Variants in MEGF10 observed in about 807,000 individuals in gnomAD.
The protein encoded by MEGF10 is multiple epidermal growth factor-like domains protein 10.
MEGF10 carries 86 observed loss-of-function variants against 147.5 expected under a neutral mutation model. That is an observed-to-expected ratio of 0.58 (90% CI 0.49 to 0.70). The LOEUF (loss-of-function observed/expected upper bound fraction) is 0.70. MEGF10 is among the 30% of genes least tolerant of loss of function. The pLI, the probability that MEGF10 is intolerant of heterozygous loss-of-function variation, is 0.00. For missense variants in MEGF10, 1,329 were observed against 1,487.3 expected (o/e 0.89, Z 1.75); for synonymous variants, 478 against 525.5 (o/e 0.91, Z 1.24).
intron 8 of MEGF10, among the ~76,000 whole-genome samples, chr5:127,403,544 TA>T (rs993889720): frequency 6.6e-6 from 1 of 152,176 alleles, no homozygotes. Flanking sequence ...TCATTCTTTC[TA>T]ATTTTTTTTG....
chr5:127,311,531 T>TGA (rs913571170), intron 1 of MEGF10, among the ~76,000 whole-genome samples: 1 of 152,200 alleles, frequency 6.6e-6, no homozygotes, highest in African/African-American at 2.4e-5. Context: ...TGTTCAGATG[T>TGA]GAGGTGTTTG....
chr5:127,392,515 TTA>T (rs1763742875), intron 5 of MEGF10, among the ~76,000 whole-genome samples: 1 of 152,238 alleles, frequency 6.6e-6, no homozygotes, highest in Non-Finnish European at 1.5e-5. Flanking sequence ...TTATTACTTA[TTA>T]TTCAGTATTG....
chr5:127,253,511 T>C, the MEGF10 span, among the ~76,000 whole-genome samples: 1 of 151,992 alleles, frequency 6.6e-6, no homozygotes, highest in Non-Finnish European at 1.5e-5. Context: ...AAAATTATAA[T>C]ACACAATTAT....
the MEGF10 span, among the ~76,000 whole-genome samples, chr5:127,270,063 A>G: frequency 6.6e-6 from 1 of 152,244 alleles, no homozygotes; most frequent in East Asian, 1.9e-4. Flanking sequence ...GGCCTGCCCT[A>G]AAAGAGCTGC....
chr5:127,315,446 C>T (rs1760483054), intron 1 of MEGF10, among the ~76,000 whole-genome samples: 1 of 152,124 alleles, frequency 6.6e-6, no homozygotes, highest in South Asian at 2.1e-4. Flanking sequence ...AAGACCATCA[C>T]AGATCTTAAT....
the MEGF10 span, among the ~76,000 whole-genome samples, chr5:127,234,565 T>A: frequency 7.2e-5 from 11 of 152,238 alleles, no homozygotes; most frequent in Non-Finnish European, 1.3e-4. Flanking sequence ...CTCTCCTCTA[T>A]GCATCCACCA....
intron 17 of MEGF10, among the ~76,000 whole-genome samples, chr5:127,439,766 T>A (rs1246503912): frequency 1.3e-5 from 2 of 152,174 alleles, no homozygotes; most frequent in Non-Finnish European, 2.9e-5. Flanking sequence ...TTGCCAGCTG[T>A]GTGACTTAGG....
At chr5:127,243,811 C>A in the MEGF10 span, among the ~76,000 whole-genome samples, 4 of 152,066 alleles carry the variant, frequency 2.6e-5, no homozygotes, top group Non-Finnish European at 5.9e-5. Context: ...GCTGGAAAAA[C>A]AAATTCTTCA....
chr5:127,238,276 G>A, the MEGF10 span, among the ~76,000 whole-genome samples: 3 of 151,864 alleles, frequency 2.0e-5, no homozygotes, highest in African/African-American at 7.3e-5. Context: ...GGCTGGTCTC[G>A]AACTCCTGAA....
At chr5:127,301,692 C>T (rs1374557860) in intron 1 of MEGF10, among the ~76,000 whole-genome samples, 1 of 152,178 alleles carries the variant, frequency 6.6e-6, no homozygotes, top group Non-Finnish European at 1.5e-5. Flanking sequence ...TCTCTAAAGC[C>T]TCTTTTCATC....
chr5:127,247,365 GAA>G, the MEGF10 span, among the ~76,000 whole-genome samples: 1 of 4,008 alleles, frequency 2.5e-4, no homozygotes, highest in African/African-American at 1.3e-3. Context: ...AGAAGAAGAA[GAA>G]GAAGAAGAAG....
the MEGF10 span, among the ~76,000 whole-genome samples, chr5:127,247,404 GAAGAAGAAGAAGAAGAAGAA>G: frequency 1.7e-5 from 1 of 60,418 alleles, no homozygotes; most frequent in African/African-American, 8.9e-5. Context: ...AGAAGAAGAA[GAAGAAGAAGAAGAAGAAGAA>G]GAAGAAGAAG....
chr5:127,389,194 C>A (rs1763551448), intron 5 of MEGF10, among the ~76,000 whole-genome samples: 1 of 152,272 alleles, frequency 6.6e-6, no homozygotes, highest in East Asian at 1.9e-4. Context: ...TAAATATCCT[C>A]TATGTGCTTG....
chr5:127,371,821 A>G (rs1050774393), intron 5 of MEGF10, among the ~76,000 whole-genome samples: 8 of 152,224 alleles, frequency 5.3e-5, no homozygotes, highest in Non-Finnish European at 8.8e-5. Flanking sequence ...TATTGAAGCA[A>G]CTTTTAGTTT....
At chr5:127,440,649 A>G in intron 17 of MEGF10, 90 bp from the exon 18 acceptor site, 1 of 1,396,036 alleles carries the variant, frequency 7.2e-7, no homozygotes, top group Non-Finnish European at 9.9e-7. Context: ...GTGTCATTCA[A>G]GTTTAAACAC....
At chr5:127,240,441 G>A in the MEGF10 span, among the ~76,000 whole-genome samples, 2 of 152,076 alleles carry the variant, frequency 1.3e-5, no homozygotes, top group South Asian at 2.1e-4. Context: ...GCTTGATATC[G>A]ACACATAATT....
chr5:127,248,558 A>C, the MEGF10 span, among the ~76,000 whole-genome samples: 12 of 152,120 alleles, frequency 7.9e-5, no homozygotes, highest in African/African-American at 1.4e-4. Flanking sequence ...TACCTAACTA[A>C]AAATACTAGA....
chr5:127,438,934 C>T (rs1765653876), intron 17 of MEGF10, among the ~76,000 whole-genome samples: 1 of 152,152 alleles, frequency 6.6e-6, no homozygotes, highest in Admixed American at 6.5e-5. Context: ...GCCTCACTGC[C>T]TGATTTAATG....
chr5:127,402,694 C>G lies in MEGF10; in HGVS notation c.917+12C>G, dbSNP rs1388721585. On this transcript the variant is annotated intron_variant, in intron 8 of 24. Transcript: ENST00000503335. ...TACACAGGGGAACGGTAAGGGATGC[C>G]CTTGTATTTCTCTGACTGTTTATAA... 6.2e-7 allele frequency: 1 copy of G among 1,612,880 alleles called. No homozygotes were observed. The highest frequency in any genetic ancestry group is 8.5e-7 in the Non-Finnish European group (1 of 1,179,538).
Sources: gnomAD v4.1 joint callset for allele counts (sites outside exome capture counted in the v4.1 genomes callset) on GRCh38, gnomAD v4.1.1 for gene constraint, MANE v1.5 for transcripts, NCBI Gene and HGNC (gene_info 2026-07-23, HGNC 2026-07-21) for gene names.